The following SINHCAF variants were observed in gnomAD, a reference collection of about 807,000 sequenced individuals.
The protein encoded by SINHCAF is SIN3-HDAC complex-associated factor.
Under a neutral mutation model 25.8 loss-of-function variants are expected in SINHCAF, and 3 were observed. The observed-to-expected ratio is 0.12, with a 90% CI of 0.05 to 0.30. The LOEUF (loss-of-function observed/expected upper bound fraction) is 0.30. Among genes scored for constraint, SINHCAF ranks in the 10% least tolerant of loss-of-function variants. The pLI, the probability that SINHCAF is intolerant of heterozygous loss-of-function variation, is 1.00. For synonymous variants in SINHCAF, 70 were observed against 85.5 expected (o/e 0.82, Z 1.00); for missense variants, 121 against 262.3 (o/e 0.46, Z 3.72).
intron 1 of SINHCAF, among the ~76,000 whole-genome samples, chr12:31,318,818 T>C (rs1315775494): frequency 6.6e-6 from 1 of 152,236 alleles, no homozygotes; most frequent in African/African-American, 2.4e-5. Context: ...ATGAGTCAAT[T>C]TGGAGTATAT....
chr12:31,292,450 G>T (rs1294111733), intron 4 of SINHCAF, among the ~76,000 whole-genome samples: 1 of 151,180 alleles, frequency 6.6e-6, no homozygotes, highest in African/African-American at 2.4e-5. Flanking sequence ...AGTGACCCAA[G>T]ATCACACCAC....
chr12:31,304,670 T>C (rs916176619), intron 1 of SINHCAF: 1 of 152,020 alleles, frequency 6.6e-6, no homozygotes, highest in Non-Finnish European at 1.5e-5. Flanking sequence ...ACATTTGGAG[T>C]GTCAGAAAAA....
intron 1 of SINHCAF, among the ~76,000 whole-genome samples, chr12:31,322,830 T>C (rs1013254459): frequency 1.3e-4 from 20 of 152,158 alleles, no homozygotes; most frequent in African/African-American, 4.8e-4. Context: ...GCAACAGATA[T>C]GGTGGTGGGT....
chr12:31,303,859 T>C (rs1358189295), intron 1 of SINHCAF: 2 of 152,228 alleles, frequency 1.3e-5, no homozygotes, highest in East Asian at 3.8e-4. Context: ...GCCAATTAAA[T>C]AGATCATTGA....
At chr12:31,312,293 TTTTGGGACA>T (rs1939303216) in intron 1 of SINHCAF, among the ~76,000 whole-genome samples, 1 of 152,214 alleles carries the variant, frequency 6.6e-6, no homozygotes, top group Non-Finnish European at 1.5e-5. Flanking sequence ...TCGATAGACA[TTTTGGGACA>T]TTTTCAGTTT....
chr12:31,286,352 A>G (rs751299985), intron 5 of SINHCAF, among the ~76,000 whole-genome samples: 1 of 152,092 alleles, frequency 6.6e-6, no homozygotes, highest in Non-Finnish European at 1.5e-5. Flanking sequence ...TAAGAAGACA[A>G]CACCTTCCTT....
At chr12:31,291,399 A>G (rs1938310357) in intron 4 of SINHCAF, among the ~76,000 whole-genome samples, 2 of 152,230 alleles carry the variant, frequency 1.3e-5, no homozygotes, top group South Asian at 4.1e-4. Context: ...TAGTGACAAG[A>G]GCTGATATTC....
chr12:31,303,226 A>G, intron 1 of SINHCAF: 2 of 985,330 alleles, frequency 2.0e-6, no homozygotes, highest in Non-Finnish European at 2.4e-6. Context: ...TTTTCCTTGT[A>G]TTTCCACATT....
rs543816150 is a variant in SINHCAF at position 31,281,843 on chromosome 12, C to T, written c.*869G>A. 9 of 152,294 alleles carry T rather than the reference C, an allele frequency of 5.9e-5. No homozygotes were observed. The highest frequency in any genetic ancestry group is 1.9e-4 in the African/African-American group (8 of 41,560). The allele number at this position is 152,294 out of a possible 1,614,324, so 9.4% of individuals were successfully genotyped here. On this transcript the variant is annotated 3_prime_UTR_variant, in exon 6 of 6. Coordinates refer to ENST00000337682, the MANE Select transcript of SINHCAF (RefSeq NM_001135812.2). The stretch of plus-strand genomic sequence containing the variant: ...ATATGAAGGGAGGCACAGGATGCAA[C>T]ATATATAGTCAAGTTACCTCTCTGT...
At position 31,314,600 on chromosome 12, in the gene SINHCAF, AT is replaced by A. The variant is rs562515839; in HGVS notation, c.-21+11423del. Among the ~76,000 whole-genome samples the A allele has an allele frequency of 3.0e-3, 445 of 147,560 alleles. 3 individuals carry two copies. Among genetic ancestry groups the A allele is most frequent in the African/African-American group, 7.5e-3 (302 of 40,480 alleles). On this transcript the variant is annotated intron_variant, in intron 1 of 5. Transcript: ENST00000337682. ...GGCCCAAAGAGAGGTACTTCTGAAG[AT>A]TTTTTTTTTTTAATAGGAGAGTATA...
intron 1 of SINHCAF, among the ~76,000 whole-genome samples, chr12:31,310,608 T>C (rs954165432): frequency 1.3e-5 from 2 of 152,214 alleles, no homozygotes; most frequent in African/African-American, 4.8e-5. Flanking sequence ...TTTTCATCAT[T>C]GTGCAGGACA....
intron 2 of SINHCAF, 106 bp downstream of exon 2, chr12:31,297,971 G>T: frequency 8.7e-7 from 1 of 1,150,416 alleles, no homozygotes; most frequent in Non-Finnish European, 1.3e-6. Context: ...TAGAATAAGT[G>T]ATTTTTATTA....
At chr12:31,289,991 G>A (rs954065370) in intron 4 of SINHCAF, among the ~76,000 whole-genome samples, 31 of 151,820 alleles carry the variant, frequency 2.0e-4, no homozygotes, top group African/African-American at 7.2e-4. Context: ...CACTCGGCTG[G>A]TTATTTTTTT....
At chr12:31,284,734 T>C (rs1394556066) in intron 5 of SINHCAF, among the ~76,000 whole-genome samples, 1 of 152,160 alleles carries the variant, frequency 6.6e-6, no homozygotes, top group African/African-American at 2.4e-5. Flanking sequence ...CACCCCCACA[T>C]CATGTATCAC....
chr12:31,297,467 AT>A (rs777087270), intron 2 of SINHCAF, among the ~76,000 whole-genome samples: 327 of 103,422 alleles, frequency 3.2e-3, no homozygotes, highest in Middle Eastern at 0.011. Flanking sequence ...GTCAAGCGTA[AT>A]TTTTTTTTTT....
In SINHCAF at chr12:31,324,044, A is replaced by C; in HGVS notation, c.-21+1980T>G. 2.2e-6 allele frequency: 1 copy of C among 454,808 alleles called. No individual in the cohort carries two copies. The highest frequency in any genetic ancestry group is 4.4e-6 in the Non-Finnish European group (1 of 226,778). The allele number at this position is 454,808 out of a possible 1,614,324, so 28.2% of individuals were successfully genotyped here. On this transcript the variant is annotated intron_variant, in intron 1 of 5. Coordinates refer to ENST00000337682, the MANE Select transcript of SINHCAF (RefSeq NM_001135812.2). The surrounding 1 kb of genome is among the most constrained non-coding windows in gnomAD (Gnocchi z 5.5). Reference sequence around the variant, plus strand: ...CTCCCTGGTGGATTTGTTGGTAAATAAGACATCTCGCGTCGGGAGGAAAGT... The same window carrying C: ...CTCCCTGGTGGATTTGTTGGTAAATCAGACATCTCGCGTCGGGAGGAAAGT...
chr12:31,322,702 T>A (rs1939745532), intron 1 of SINHCAF, among the ~76,000 whole-genome samples: 1 of 152,208 alleles, frequency 6.6e-6, no homozygotes, highest in Non-Finnish European at 1.5e-5. Flanking sequence ...GGATTTCAAC[T>A]AGTATCGATT....
At chr12:31,314,430 G>A (rs1939417015) in intron 1 of SINHCAF, among the ~76,000 whole-genome samples, 1 of 152,108 alleles carries the variant, frequency 6.6e-6, no homozygotes, top group South Asian at 2.1e-4. Flanking sequence ...GAAGGCTGAG[G>A]CAGAAGAATG....
intron 4 of SINHCAF, among the ~76,000 whole-genome samples, chr12:31,293,266 A>C (rs557407734): frequency 6.6e-6 from 1 of 152,264 alleles, no homozygotes; most frequent in East Asian, 1.9e-4. Context: ...AACCCCCCAA[A>C]ACTTCCAATA....
Sources: gnomAD v4.1 joint callset for allele counts (sites outside exome capture counted in the v4.1 genomes callset) on GRCh38, gnomAD v4.1.1 for gene constraint, Gnocchi (gnomAD v3.1) non-coding constraint, MANE v1.5 for transcripts, NCBI Gene and HGNC (gene_info 2026-07-23, HGNC 2026-07-21) for gene names.